ATAD2B: variants seen among roughly 807,000 people sequenced by gnomAD.
ATAD2B encodes ATPase family AAA domain containing 2B.
Under a neutral mutation model 167.6 loss-of-function variants are expected in ATAD2B, and 40 were observed. The observed-to-expected ratio is 0.24, with a 90% CI of 0.19 to 0.31. The LOEUF (loss-of-function observed/expected upper bound fraction) is 0.31, where lower values mean the gene tolerates loss of function less well. Ranked by LOEUF, ATAD2B falls within the 10% of genes least tolerant of loss-of-function variation. The probability of loss-of-function intolerance (pLI) is 1.00; values close to 1 mark genes in which losing one functional copy is unlikely to be tolerated. For synonymous variants in ATAD2B, 579 were observed against 596.5 expected (o/e 0.97, Z 0.43); for missense variants, 1,242 against 1,757.2 (o/e 0.71, Z 5.24).
the ATAD2B span, chr2:23,708,383 G>A: frequency 6.6e-6 from 1 of 152,220 alleles, no homozygotes; most frequent in African/African-American, 2.4e-5. Context: ...CAGGGCTAAT[G>A]TTAGCATTGG....
At chr2:23,850,248 T>A (rs534156758) in intron 13 of ATAD2B, among the ~76,000 whole-genome samples, 2 of 151,996 alleles carry the variant, frequency 1.3e-5, no homozygotes, top group African/African-American at 4.8e-5. Flanking sequence ...ACCACAGCTA[T>A]TTGTAAATTA....
At chr2:23,916,416 C>T (rs1703047035) in intron 1 of ATAD2B, among the ~76,000 whole-genome samples, 1 of 152,130 alleles carries the variant, frequency 6.6e-6, no homozygotes, top group African/African-American at 2.4e-5. Context: ...ATTTTTTTAA[C>T]CAACTTCTAA....
chr2:23,766,609 C>A (rs1182373866), intron 22 of ATAD2B, among the ~76,000 whole-genome samples: 1 of 152,146 alleles, frequency 6.6e-6, no homozygotes, highest in Non-Finnish European at 1.5e-5. Context: ...GTCGACTGCA[C>A]CAGGGAAAGC....
At chr2:23,730,853 G>A in the ATAD2B span, among the ~76,000 whole-genome samples, 2 of 150,686 alleles carry the variant, frequency 1.3e-5, no homozygotes, top group Admixed American at 6.6e-5. Flanking sequence ...CAGAAGTGTA[G>A]AAATCAGAAA....
intron 13 of ATAD2B, chr2:23,856,310 A>G (rs1558666055): frequency 5.4e-6 from 1 of 185,676 alleles, no homozygotes; most frequent in Non-Finnish European, 1.3e-5. Context: ...CCAAAACTGA[A>G]AAAGCTTTGA....
chr2:23,680,249 A>T, the ATAD2B span, among the ~76,000 whole-genome samples: 2 of 152,172 alleles, frequency 1.3e-5, no homozygotes, highest in Non-Finnish European at 2.9e-5. The surrounding 1 kb of genome is among the most constrained non-coding windows in gnomAD (Gnocchi z 4.1). Context: ...ACTTGGTGTG[A>T]TGAGGGAGGG....
At chr2:23,908,273 T>C (rs1331957408) in intron 1 of ATAD2B, among the ~76,000 whole-genome samples, 1 of 151,834 alleles carries the variant, frequency 6.6e-6, no homozygotes, top group Non-Finnish European at 1.5e-5. Context: ...GAATCTACAA[T>C]GAACTCAAAC....
chr2:23,711,338 CT>C, the ATAD2B span, among the ~76,000 whole-genome samples: 1 of 45,622 alleles, frequency 2.2e-5, no homozygotes, highest in Non-Finnish European at 3.8e-5. Context: ...CACAGAATTT[CT>C]TTCTTTTTTT....
chr2:23,722,704 A>C, the ATAD2B span, among the ~76,000 whole-genome samples: 1 of 152,190 alleles, frequency 6.6e-6, no homozygotes, highest in Non-Finnish European at 1.5e-5. Flanking sequence ...AGAATGATGG[A>C]CATCTAGGCC....
chr2:23,719,093 T>C, the ATAD2B span, among the ~76,000 whole-genome samples: 1 of 152,170 alleles, frequency 6.6e-6, no homozygotes, highest in African/African-American at 2.4e-5. Context: ...AACACAGAGA[T>C]TGAACATAAA....
At chr2:23,806,243 A>C (rs1558564428) in intron 18 of ATAD2B, 1 of 152,212 alleles carries the variant, frequency 6.6e-6, no homozygotes, top group Non-Finnish European at 1.5e-5. Flanking sequence ...AGAAAAAAGT[A>C]GGAAATCCCA....
At chr2:23,769,711 G>GATTTTTTTTTTTTTTTTTTTTTTTT (rs199842019) in intron 22 of ATAD2B, among the ~76,000 whole-genome samples, 1 of 129,836 alleles carries the variant, frequency 7.7e-6, no homozygotes, top group African/African-American at 2.7e-5. Context: ...TCTCACTGTG[G>GATTTTTTTTTTTTTTTTTTTTTTTT]GTTTTTTTTT....
intron 24 of ATAD2B, among the ~76,000 whole-genome samples, chr2:23,759,815 C>A (rs1189132262): frequency 6.6e-6 from 1 of 152,148 alleles, no homozygotes; most frequent in African/African-American, 2.4e-5. Flanking sequence ...AGGTGATGGG[C>A]ATTTGTAAAC....
At chr2:23,881,330 T>C (rs1697860122) in intron 6 of ATAD2B, among the ~76,000 whole-genome samples, 1 of 150,064 alleles carries the variant, frequency 6.7e-6, no homozygotes, top group Non-Finnish European at 1.5e-5. Flanking sequence ...GTATTGGTAA[T>C]AGTTTATTTC....
intron 13 of ATAD2B, among the ~76,000 whole-genome samples, chr2:23,836,093 G>A (rs1025251580): frequency 2.0e-5 from 3 of 152,072 alleles, no homozygotes; most frequent in African/African-American, 7.2e-5. Flanking sequence ...GACTGCGCTC[G>A]GCTCACACTA....
chr2:23,681,128 C>T, the ATAD2B span, among the ~76,000 whole-genome samples: 1 of 152,252 alleles, frequency 6.6e-6, no homozygotes, highest in African/African-American at 2.4e-5. This position sits in a 1 kb window ranked among gnomAD's most constrained non-coding sequence, Gnocchi z 4.2. Flanking sequence ...AGCCTGAGAG[C>T]CTAAGCTCCT....
At chr2:23,732,200 T>G in the ATAD2B span, among the ~76,000 whole-genome samples, 1 of 152,140 alleles carries the variant, frequency 6.6e-6, no homozygotes, top group Admixed American at 6.5e-5. Flanking sequence ...GGGATTCAAT[T>G]GGCAAAATCC....
chr2:23,910,228 G>T (rs955224743), intron 1 of ATAD2B, among the ~76,000 whole-genome samples: 1 of 146,382 alleles, frequency 6.8e-6, no homozygotes, highest in Non-Finnish European at 1.5e-5. Flanking sequence ...GCCCAGGCTG[G>T]AGTGCAATGG....
At chr2:23,899,596 C>A (rs1700553940) in intron 1 of ATAD2B, among the ~76,000 whole-genome samples, 1 of 151,350 alleles carries the variant, frequency 6.6e-6, no homozygotes, top group African/African-American at 2.4e-5. Context: ...TCATTTTTTT[C>A]TTTTTTTTCT....
Sources: gnomAD v4.1 joint callset for allele counts (sites outside exome capture counted in the v4.1 genomes callset) on GRCh38, gnomAD v4.1.1 for gene constraint, Gnocchi (gnomAD v3.1) non-coding constraint, MANE v1.5 for transcripts, NCBI Gene and HGNC (gene_info 2026-07-23, HGNC 2026-07-21) for gene names.